CD4: variants seen among roughly 807,000 people sequenced by gnomAD.
The protein encoded by CD4 is T-cell surface glycoprotein CD4.
CD4 carries 25 observed loss-of-function variants against 50.5 expected under a neutral mutation model. The observed-to-expected ratio is 0.49, with a 90% CI of 0.36 to 0.69. The LOEUF (loss-of-function observed/expected upper bound fraction) is 0.69. Ranked by LOEUF, CD4 falls within the 30% of genes least tolerant of loss-of-function variation. The pLI is 0.00. For missense variants in CD4, 456 were observed against 548.5 expected (o/e 0.83, Z 1.68); for synonymous variants, 207 against 221.9 (o/e 0.93, Z 0.60).
chr12:6,806,218 G>A (rs1942755981), intron 3 of CD4, among the ~76,000 whole-genome samples: 1 of 149,230 alleles, frequency 6.7e-6, no homozygotes, highest in South Asian at 2.1e-4. Flanking sequence ...TACACATACA[G>A]GTGAATAGAT....
rs529399029 is a variant in CD4, at chr12:6,792,300, C to T, written c.-68+2638C>T. On this transcript the variant is annotated intron_variant, in intron 1 of 9. Coordinates refer to ENST00000011653, the MANE Select transcript of CD4 (RefSeq NM_000616.5). The surrounding 1 kb of genome is among the most constrained non-coding windows in gnomAD (Gnocchi z 4.1). ...CATCCCTGGGGGCCAGGGGTGAGGG[C>T]GGCAGGAACCTCAAGGCTCTGAGAA... 1.5e-4 allele frequency among the ~76,000 whole-genome samples: 23 copies of T among 152,112 alleles called. No individual in the cohort carries two copies. The East Asian group carries it at 1.7e-3, about 12-fold the overall frequency.
intron 3 of CD4, among the ~76,000 whole-genome samples, chr12:6,806,184 T>C (rs12227950): frequency 1.1e-3 from 72 of 67,604 alleles, no homozygotes; most frequent in East Asian, 4.4e-3. Flanking sequence ...CACACACACA[T>C]ACACAAGTAT....
rs1942177592 is a variant in CD4, at chr12:6,792,056, C to T, written c.-68+2394C>T. Among the ~76,000 whole-genome samples, 1 of 152,132 alleles carries T rather than the reference C, an allele frequency of 6.6e-6. No individual in the cohort carries two copies. Among genetic ancestry groups the T allele is most frequent in the African/African-American group, 2.4e-5 (1 of 41,418 alleles). On this transcript the variant is annotated intron_variant, in intron 1 of 9. Coordinates refer to ENST00000011653, the MANE Select transcript of CD4 (RefSeq NM_000616.5). The surrounding 1 kb of genome is among the most constrained non-coding windows in gnomAD (Gnocchi z 4.1). ...AAGAGGATGGCGGAGGTTGCAGCCA[C>T]CAACCACAAGAGTTCCTTAGAGGGG...
In CD4 at chr12:6,818,133, GCACA is replaced by G. The variant is rs1943151828; in HGVS notation, c.1157-283_1157-280del. 6.7e-6 allele frequency among the ~76,000 whole-genome samples: 1 copy of G among 148,858 alleles called. No individual in the cohort carries two copies. The highest frequency in any genetic ancestry group is 2.5e-5 in the African/African-American group (1 of 40,210). On this transcript the variant is annotated intron_variant, in intron 7 of 9. Coordinates refer to ENST00000011653, the MANE Select transcript of CD4 (RefSeq NM_000616.5). The surrounding 1 kb of genome is among the most constrained non-coding windows in gnomAD (Gnocchi z 5.0). ...ACACACATTCACACCATTCACACAC[GCACA>G]CACATGCACACACTCACACATGCAC...
intron 4 of CD4, 22 bp downstream of exon 4, chr12:6,814,322 G>A (rs199739404): frequency 3.6e-5 from 58 of 1,608,940 alleles, no homozygotes; most frequent in African/African-American, 1.3e-5. Flanking sequence ...AGGTGGGGAT[G>A]AGGATACCTC....
chr12:6,818,640 T>A lies in CD4; in HGVS notation c.1278+98T>A. 1 of 1,469,200 alleles carries A rather than the reference T, an allele frequency of 6.8e-7. No individual in the cohort carries two copies. Among genetic ancestry groups the A allele is most frequent in the Non-Finnish European group, 9.4e-7 (1 of 1,062,152 alleles). 91.0% of individuals were successfully genotyped at this position (1,469,200 alleles called of 1,614,324 possible). On this transcript the variant is annotated intron_variant, in intron 8 of 9. Transcript: ENST00000011653. The surrounding 1 kb of genome is among the most constrained non-coding windows in gnomAD (Gnocchi z 5.0). ...GGGAACTGATTTTGGCCCAGCTCCCTCTGCCCACTCGTAAGTTCCCTTGCT... is the reference window on the plus strand; with the variant it reads ...GGGAACTGATTTTGGCCCAGCTCCCACTGCCCACTCGTAAGTTCCCTTGCT...
chr12:6,811,362 CAAG>C lies in CD4; in HGVS notation c.215-2775_215-2773del, dbSNP rs574112442. 4.9e-4 allele frequency among the ~76,000 whole-genome samples: 74 copies of C among 152,194 alleles called. No individual in the cohort carries two copies. The East Asian group carries it at 9.3e-3, about 19-fold the overall frequency. On this transcript the variant is annotated intron_variant, in intron 3 of 9. Coordinates refer to ENST00000011653, the MANE Select transcript of CD4 (RefSeq NM_000616.5). ...CCTTGGTGATGGTTATTAGATTTTA[CAAG>C]AAGAGGCCAAAGGAGACACATACTT...
rs782424835 is a variant in CD4 at position 6,818,528 on chromosome 12, T to G, written c.1264T>G (p.Cys422Gly). The G allele has an allele frequency of 6.2e-7, 1 of 1,612,872 alleles. No homozygotes were observed. Among genetic ancestry groups the G allele is most frequent in the African/African-American group, 1.3e-5 (1 of 75,040 alleles). The change falls in exon 8 of 10, where the codon TGC becomes GGC. Residue 422 changes from cysteine (C) to glycine (G), a missense_variant. Cys to Gly is a radical substitution (Grantham distance 159, BLOSUM62 -3). Coordinates refer to ENST00000011653, the MANE Select transcript of CD4 (RefSeq NM_000616.5). The surrounding 1 kb of genome is among the most constrained non-coding windows in gnomAD (Gnocchi z 5.0). ...GCTAGGCATCTTCTTCTGTGTCAGG[T>G]GCCGGCACCGAAGGGTGAGTAACCC... ...IGLGIFFCVR[C>G]RHRRRQAERM...
At chr12:6,802,440 C>G (rs1555115505) in intron 3 of CD4, among the ~76,000 whole-genome samples, 1 of 151,934 alleles carries the variant, frequency 6.6e-6, no homozygotes, top group Admixed American at 6.6e-5. Flanking sequence ...TTCCCAGTAG[C>G]TGGGACTACA....
In CD4 at chr12:6,818,791, C is replaced by A; in HGVS notation, c.1279-56C>A. 1.3e-6 allele frequency: 2 copies of A among 1,486,726 alleles called. No homozygotes were observed. The highest frequency in any genetic ancestry group is 9.4e-7 in the Non-Finnish European group (1 of 1,063,974). The allele number at this position is 1,486,726 out of a possible 1,614,324, so 92.1% of individuals were successfully genotyped here. ...TTCCCCCACTCCCCCCACCAAGGGG[C>A]ACCTCCCTTCTGGAGGCCTGGGACC... On this transcript the variant is annotated intron_variant, in intron 8 of 9. Transcript: ENST00000011653. This position sits in a 1 kb window ranked among gnomAD's most constrained non-coding sequence, Gnocchi z 5.0.
chr12:6,816,318 G>A lies in CD4; in HGVS notation c.870G>A (p.Gln290=), dbSNP rs1555117938. 6.2e-7 allele frequency: 1 copy of A among 1,614,220 alleles called. No individual in the cohort carries two copies. Among genetic ancestry groups the A allele is most frequent in the Non-Finnish European group, 8.5e-7 (1 of 1,180,040 alleles). The change falls in exon 6 of 10, where the codon CAG becomes CAA. Residue 290 remains glutamine, a synonymous_variant. Transcript: ENST00000011653. The surrounding 1 kb of genome is among the most constrained non-coding windows in gnomAD (Gnocchi z 4.9). ...LHLTLPQALP[Q]YAGSGNLTLA... The stretch of plus-strand genomic sequence containing the variant: ...TCACCCTGCCCCAGGCCTTGCCTCA[G>A]TATGCTGGCTCTGGAAACCTCACCC...
chr12:6,801,237 G>A (rs1264232006), intron 3 of CD4, among the ~76,000 whole-genome samples: 1 of 151,264 alleles, frequency 6.6e-6, no homozygotes, highest in Non-Finnish European at 1.5e-5. Flanking sequence ...AAAAAAAAAG[G>A]CCGGCTGTAG....
rs976759921 is a variant in CD4 at position 6,818,295 on chromosome 12, A to T, written c.1157-126A>T. ...TGGCGGCCTTTGAGAGCCCCCAGGC[A>T]CCCCTCCCCTCTCCCCCAACCCCAG... On this transcript the variant is annotated intron_variant, in intron 7 of 9. Transcript: ENST00000011653. This position sits in a 1 kb window ranked among gnomAD's most constrained non-coding sequence, Gnocchi z 5.0. 4.1e-5 allele frequency: 50 copies of T among 1,217,390 alleles called. No individual in the cohort carries two copies. The African/African-American group carries it at 7.0e-4, about 17-fold the overall frequency. The allele number at this position is 1,217,390 out of a possible 1,614,324, so 75.4% of individuals were successfully genotyped here. A position where few individuals can be genotyped will look rare whatever the true frequency, so the allele number is the denominator to read the frequency against.
At chr12:6,800,571 AGGGCTTGG>A in intron 3 of CD4, 100 bp downstream of exon 3, 2 of 1,061,742 alleles carry the variant, frequency 1.9e-6, no homozygotes, top group Non-Finnish European at 2.7e-6. Flanking sequence ...GGGATCCCAG[AGGGCTTGG>A]GTTGACAGAA....
chr12:6,804,546 T>C (rs1368944695), intron 3 of CD4, among the ~76,000 whole-genome samples: 7 of 152,184 alleles, frequency 4.6e-5, no homozygotes, highest in Non-Finnish European at 8.8e-5. Flanking sequence ...GGAACATGTG[T>C]ACACAGAAAT....
chr12:6,790,424 G>A (rs1942122317), intron 1 of CD4, among the ~76,000 whole-genome samples: 1 of 152,232 alleles, frequency 6.6e-6, no homozygotes, highest in Non-Finnish European at 1.5e-5. Context: ...CATGAAATAG[G>A]AAAGCTAAAA....
chr12:6,794,775 G>GGTTTTTTT (rs1942313022), intron 1 of CD4, among the ~76,000 whole-genome samples: 1 of 112,542 alleles, frequency 8.9e-6, no homozygotes, highest in African/African-American at 3.2e-5. Context: ...CTGTATGTCT[G>GGTTTTTTT]TTTTTTTTTT....
intron 1 of CD4, among the ~76,000 whole-genome samples, chr12:6,793,940 C>G (rs1942271650): frequency 7.2e-6 from 1 of 139,706 alleles, no homozygotes. Context: ...GTATGAGCCA[C>G]CACACACGAC....
chr12:6,805,780 A>G (rs1942734707), intron 3 of CD4, among the ~76,000 whole-genome samples: 1 of 151,990 alleles, frequency 6.6e-6, no homozygotes, highest in African/African-American at 2.4e-5. Context: ...GATTTTTTGT[A>G]GATATAAACA....
Sources: gnomAD v4.1 joint callset for allele counts (sites outside exome capture counted in the v4.1 genomes callset) on GRCh38, gnomAD v4.1.1 for gene constraint, Gnocchi (gnomAD v3.1) non-coding constraint, MANE v1.5 for transcripts, NCBI Gene and HGNC (gene_info 2026-07-23, HGNC 2026-07-21) for gene names.